Variants in PCDHGB2 observed in about 807,000 individuals in gnomAD.
PCDHGB2 encodes the protein protocadherin gamma-B2.
A neutral mutation model predicts 59.3 loss-of-function variants in PCDHGB2; 55 were observed. That is an observed-to-expected ratio of 0.93 (90% confidence interval 0.75 to 1.16). The LOEUF is 1.16. Ranked by LOEUF, PCDHGB2 falls within the 50% of genes most tolerant of loss-of-function variation. The probability of loss-of-function intolerance (pLI) is 0.00; values close to 1 mark genes in which losing one functional copy is unlikely to be tolerated. For synonymous variants in PCDHGB2, 516 were observed against 512.0 expected, an observed-to-expected ratio of 1.01 and a Z score of -0.11; for missense variants, 1,228 against 1,198.5, an observed-to-expected ratio of 1.02 and a Z score of -0.36.
Position 141,491,889 on chromosome 5 carries a change from C to T in PCDHGB2, c.2422-2918C>T, listed in dbSNP as rs2099734763. On this transcript the variant is annotated intron_variant, in intron 1 of 3. Transcript: ENST00000522605. The surrounding 1 kb of genome is among the most constrained non-coding windows in gnomAD (Gnocchi z 6.9). ...GAGTGGCCGATTAAGGGATGGGGCT[C>T]CGAGCACCGGGGGTGGTGGCGACTG... 11 of 1,441,360 alleles carry T rather than the reference C, an allele frequency of 7.6e-6. No individual in the cohort carries two copies. Among genetic ancestry groups the T allele is most frequent in the Non-Finnish European group, 1.0e-5 (11 of 1,090,600 alleles). 89.3% of individuals were successfully genotyped at this position (1,441,360 alleles called of 1,614,324 possible).
At chr5:141,419,741 A>G (rs769795920) in intron 1 of PCDHGB2, 1 of 1,613,856 alleles carries the variant, frequency 6.2e-7, no homozygotes. Context: ...CGAGGTGCGC[A>G]TGGTGCGTGC....
At chr5:141,442,033 G>T (rs2098292928) in intron 1 of PCDHGB2, 1 of 209,534 alleles carries the variant, frequency 4.8e-6, no homozygotes, top group Non-Finnish European at 9.8e-6. Context: ...AAAGCGACTC[G>T]CCAGCGCCTA....
intron 1 of PCDHGB2, chr5:141,371,742 C>A (rs773429109): frequency 6.2e-7 from 1 of 1,614,068 alleles, no homozygotes; most frequent in East Asian, 2.2e-5. Context: ...CGACAACGTT[C>A]CCGTTTTCCA....
chr5:141,506,645 A>G (rs1229614297), intron 3 of PCDHGB2, among the ~76,000 whole-genome samples: 3 of 152,188 alleles, frequency 2.0e-5, no homozygotes, highest in African/African-American at 7.2e-5. Context: ...CCCTCAGCAC[A>G]GGATTGGCAG....
chr5:141,395,437 G>A lies in PCDHGB2; in HGVS notation c.2421+32881G>A, dbSNP rs973609255. On this transcript the variant is annotated intron_variant, in intron 1 of 3. Coordinates refer to ENST00000522605, the MANE Select transcript of PCDHGB2 (RefSeq NM_018923.3). ...TGTTTCATTTGCTTTTAAACGACTT[G>A]GAAAAGATTGTTCAACCATTTTAAG... 5.2e-5 allele frequency: 35 copies of A among 668,254 alleles called. No homozygotes were observed. The African/African-American group carries it at 6.1e-4, about 12-fold the overall frequency. 41.4% of individuals were successfully genotyped at this position (668,254 alleles called of 1,614,324 possible).
Position 141,487,522 on chromosome 5 carries a change from T to G in PCDHGB2, c.2422-7285T>G, listed in dbSNP as rs764726787. Reference sequence around the variant, plus strand: ...TGGCTTCTGCACCCACTCGGAGTGATAGCTTCATGATGGTGAAGTCACCCA... The same window carrying G: ...TGGCTTCTGCACCCACTCGGAGTGAGAGCTTCATGATGGTGAAGTCACCCA... On this transcript the variant is annotated intron_variant, in intron 1 of 3. Transcript: ENST00000522605. This position sits in a 1 kb window ranked among gnomAD's most constrained non-coding sequence, Gnocchi z 5.0. The G allele has an allele frequency of 6.2e-7, 1 of 1,614,166 alleles. No individual in the cohort carries two copies. The highest frequency in any genetic ancestry group is 8.5e-7 in the Non-Finnish European group (1 of 1,180,022).
chr5:141,384,444 C>T lies in PCDHGB2; in HGVS notation c.2421+21888C>T, dbSNP rs751427123. 2.5e-5 allele frequency: 41 copies of T among 1,613,906 alleles called. No individual in the cohort carries two copies. The Admixed American group carries it at 5.0e-4, about 20-fold the overall frequency. ...TAAACTCTGACACTGGAGTCCTGTA[C>T]GCGCTGCAATCCTTTGATTATGAGC... On this transcript the variant is annotated intron_variant, in intron 1 of 3. Transcript: ENST00000522605.
intron 1 of PCDHGB2, among the ~76,000 whole-genome samples, chr5:141,463,861 A>G (rs1308802167): frequency 1.3e-5 from 2 of 152,340 alleles, no homozygotes; most frequent in East Asian, 1.9e-4. Context: ...ATCTGGTTTC[A>G]CATGACTGAA....
chr5:141,431,681 G>A lies in PCDHGB2; in HGVS notation c.2422-63126G>A. The A allele has an allele frequency of 6.2e-7, 1 of 1,614,214 alleles. No homozygotes were observed. The highest frequency in any genetic ancestry group is 1.1e-5 in the South Asian group (1 of 91,086). ...GACAATATCAACAATAGGGGAGTTG[G>A]ACCACGAGGAGTCAGGATTCTACCA... On this transcript the variant is annotated intron_variant, in intron 1 of 3. Coordinates refer to ENST00000522605, the MANE Select transcript of PCDHGB2 (RefSeq NM_018923.3). This position sits in a 1 kb window ranked among gnomAD's most constrained non-coding sequence, Gnocchi z 4.8.
In PCDHGB2 at chr5:141,381,283, C is replaced by T. The variant is rs142136901; in HGVS notation, c.2421+18727C>T. On this transcript the variant is annotated intron_variant, in intron 1 of 3. Transcript: ENST00000522605. ...AAACCAAGACTGTTTCTTGCCAGGT[C>T]TTTATTCCAGAGCAGGTCATTCTCT... 3.8e-3 allele frequency among the ~76,000 whole-genome samples: 584 copies of T among 152,356 alleles called. 6 individuals are homozygous for T. The highest frequency in any genetic ancestry group is 0.011 in the Admixed American group (170 of 15,296).
Sources: gnomAD v4.1 joint callset for allele counts (sites outside exome capture counted in the v4.1 genomes callset) on GRCh38, gnomAD v4.1.1 for gene constraint, Gnocchi (gnomAD v3.1) non-coding constraint, MANE v1.5 for transcripts, NCBI Gene and HGNC (gene_info 2026-07-23, HGNC 2026-07-21) for gene names.